Variants in URB1 observed in about 807,000 individuals in gnomAD.
URB1 encodes nucleolar pre-ribosomal-associated protein 1.
Under a neutral mutation model 242.3 loss-of-function variants are expected in URB1, and 197 were observed. The observed-to-expected ratio is 0.81, with a 90% CI of 0.72 to 0.91. The LOEUF is 0.91. Among genes scored for constraint, URB1 ranks in the 40% least tolerant of loss-of-function variants. The pLI is 0.00. For synonymous variants in URB1, 1,153 were observed against 1,201.8 expected (o/e 0.96, Z 0.84); for missense variants, 2,721 against 2,860.5 (o/e 0.95, Z 1.11).
Position 32,314,924 on chromosome 21 carries a change from A to T in URB1, c.6810T>A (p.Asp2270Glu), listed in dbSNP as rs1373965916. The T allele has an allele frequency of 6.4e-7, 1 of 1,550,574 alleles. No homozygotes were observed. The highest frequency in any genetic ancestry group is 8.7e-7 in the Non-Finnish European group (1 of 1,146,462). ...AGGTGCTGGCCGGCAGGAGTCAAGC[A>T]TCTGAGGCTGCGCTGGCGGCGTCCT... Reference protein sequence around the residue: ...LCKDAASAASDA With the variant: ...LCKDAASAASEA Residue 2270 changes from aspartate (D) to glutamate (E), a missense_variant, in exon 39 of 39, where the codon GAT (aspartate) becomes GAA (glutamate). By Grantham distance (45) the Asp-to-Glu change is conservative (BLOSUM62 2). Coordinates refer to ENST00000382751, the MANE Select transcript of URB1 (RefSeq NM_014825.3).
chr21:32,344,155 T>C (rs1438121139), intron 24 of URB1, among the ~76,000 whole-genome samples: 3 of 152,308 alleles, frequency 2.0e-5, no homozygotes, highest in East Asian at 1.9e-4. Context: ...TGGACACAGA[T>C]GCAAAAATTC....
intron 25 of URB1, among the ~76,000 whole-genome samples, chr21:32,339,217 T>C (rs753429158): frequency 6.6e-6 from 1 of 152,182 alleles, no homozygotes; most frequent in Non-Finnish European, 1.5e-5. Context: ...TGGGCTTGAA[T>C]TCCTGACCTC....
At position 32,385,674 on chromosome 21, in the gene URB1, C is replaced by T. The variant is rs529158098; in HGVS notation, c.153G>A (p.Ala51=). 114 of 1,551,248 alleles carry T rather than the reference C, an allele frequency of 7.3e-5. No individual in the cohort carries two copies. In the East Asian group the frequency reaches 7.6e-4, roughly 10 times the overall value. Reference sequence around the variant, plus strand: ...GTAGCTTCTTGGCAGCAGACACAAACGCTTCCAAGCCTGAAAAAAAAGTTA... The same window carrying T: ...GTAGCTTCTTGGCAGCAGACACAAATGCTTCCAAGCCTGAAAAAAAAGTTA... ...DPQGPGPGLE[A]FVSAAKKLPR... The change falls in exon 2 of 39, where the codon GCG becomes GCA. Residue 51 remains alanine, a synonymous_variant. Coordinates refer to ENST00000382751, the MANE Select transcript of URB1 (RefSeq NM_014825.3).
chr21:32,318,123 A>T (rs974518222), intron 36 of URB1, among the ~76,000 whole-genome samples: 2 of 152,150 alleles, frequency 1.3e-5, no homozygotes, highest in Non-Finnish European at 2.9e-5. Flanking sequence ...CACAAAGGGG[A>T]CCTGGAGTCT....
chr21:32,311,635 T>C lies in URB1; in HGVS notation c.*3283A>G, dbSNP rs2032574593. The C allele has an allele frequency of 6.2e-7, 1 of 1,601,194 alleles. No individual in the cohort carries two copies. Among genetic ancestry groups the C allele is most frequent in the Non-Finnish European group, 8.5e-7 (1 of 1,173,936 alleles). Reference sequence around the variant, plus strand: ...AACCCCCCAGCCCCACAGTATGGACTGTTCTGCAGCAACTATGATGCCTGC... The same window carrying C: ...AACCCCCCAGCCCCACAGTATGGACCGTTCTGCAGCAACTATGATGCCTGC... On this transcript the variant is annotated 3_prime_UTR_variant, in exon 39 of 39. Transcript: ENST00000382751.
Position 32,345,496 on chromosome 21 carries a change from G to A in URB1, c.3948C>T (p.Pro1316=). Residue 1316 remains proline, a synonymous_variant, in exon 23 of 39, where the codon CCC becomes CCT. Coordinates refer to ENST00000382751, the MANE Select transcript of URB1 (RefSeq NM_014825.3). ...LQSRLLSTDS[P]PASGLYQEIL... is the part of the protein sequence containing the mutation. The stretch of plus-strand genomic sequence containing the variant: ...TCTCCTGGTACAGCCCAGATGCTGG[G>A]GGACTGTCAGTGCTAAGAAGCCTGC... 1 of 1,551,552 alleles carries A rather than the reference G, an allele frequency of 6.4e-7. No individual in the cohort carries two copies. Among genetic ancestry groups the A allele is most frequent in the Non-Finnish European group, 8.7e-7 (1 of 1,146,902 alleles).
Position 32,354,915 on chromosome 21 carries a change from G to A in URB1, c.2189C>T (p.Ala730Val), listed in dbSNP as rs367985687. The A allele has an allele frequency of 4.5e-6, 7 of 1,552,338 alleles. No homozygotes were observed. The highest frequency in any genetic ancestry group is 3.9e-5 in the Admixed American group (2 of 51,004). The change falls in exon 17 of 39, where the codon GCC becomes GTC. Residue 730 changes from alanine to valine, a missense_variant. By Grantham distance (64) the Ala-to-Val change is moderately conservative. Coordinates refer to ENST00000382751, the MANE Select transcript of URB1 (RefSeq NM_014825.3). ...DFVQEASMLQ[A>V]TMTKQEADDM... is the part of the protein sequence containing the mutation. ...ATCGGCTTCTTGCTTCGTCATAGTG[G>A]CCTGCAGCATGCTTGCTTCTTGGAC...
Position 32,314,757 on chromosome 21 carries a change from T to A in URB1, c.*161A>T. On this transcript the variant is annotated 3_prime_UTR_variant, in exon 39 of 39. Transcript: ENST00000382751. ...GTTTATCATTTACTGGGCAGTTCAA[T>A]AAAGTCCTCTCAACTTTTCTTGTCA... 7.0e-7 allele frequency: 1 copy of A among 1,436,144 alleles called. No individual in the cohort carries two copies. Among genetic ancestry groups the A allele is most frequent in the Non-Finnish European group, 9.6e-7 (1 of 1,040,496 alleles). 89.0% of individuals were successfully genotyped at this position (1,436,144 alleles called of 1,614,324 possible).
chr21:32,358,783 A>G (rs2033252504), intron 14 of URB1, among the ~76,000 whole-genome samples: 1 of 152,182 alleles, frequency 6.6e-6, no homozygotes, highest in African/African-American at 2.4e-5. Flanking sequence ...ACTGGTGGCA[A>G]TGAACTCACA....
rs138839810 is a variant in URB1, at chr21:32,380,952, T to C, written c.568-2411A>G. Among the ~76,000 whole-genome samples, 1,340 of 152,318 alleles carry C rather than the reference T, an allele frequency of 8.8e-3. 14 individuals are homozygous for C. The highest frequency in any genetic ancestry group is 0.044 in the Middle Eastern group (13 of 294). On this transcript the variant is annotated intron_variant, in intron 4 of 38. Transcript: ENST00000382751. ...CTGTGGGTCCCTCCAGCAATGAATT[T>C]ATAAATGAAAAGGGATTTAGTTATC...
Position 32,354,924 on chromosome 21 carries a change from A to G in URB1, c.2180T>C (p.Met727Thr), listed in dbSNP as rs2033201992. The change falls in exon 17 of 39, where the codon ATG (methionine) becomes ACG (threonine). Residue 727 changes from methionine (M) to threonine (T), a missense_variant. Physicochemically the swap from Met to Thr is moderately conservative, Grantham distance 81. Coordinates refer to ENST00000382751, the MANE Select transcript of URB1 (RefSeq NM_014825.3). ...TTGCTTCGTCATAGTGGCCTGCAGCATGCTTGCTTCTTGGACAAAGTCAGA... is the reference window on the plus strand; with the variant it reads ...TTGCTTCGTCATAGTGGCCTGCAGCGTGCTTGCTTCTTGGACAAAGTCAGA... The part of the protein sequence containing the change: ...KASDFVQEAS[M>T]LQATMTKQEA... The G allele has an allele frequency of 6.4e-7, 1 of 1,552,398 alleles. No individual in the cohort carries two copies. Among genetic ancestry groups the G allele is most frequent in the South Asian group, 1.2e-5 (1 of 84,062 alleles).
intron 1 of URB1, among the ~76,000 whole-genome samples, chr21:32,390,448 C>A (rs1313686967): frequency 6.7e-6 from 1 of 149,478 alleles, no homozygotes; most frequent in African/African-American, 2.5e-5. Flanking sequence ...TGTTCATATC[C>A]TTTGCCCACT....
intron 24 of URB1, among the ~76,000 whole-genome samples, chr21:32,342,906 A>G (rs536830300): frequency 6.6e-6 from 1 of 152,306 alleles, no homozygotes; most frequent in South Asian, 2.1e-4. Context: ...CAGCTCCAGT[A>G]TCATACAACT....
In URB1 at chr21:32,347,323, A is replaced by G; in HGVS notation, c.3501T>C (p.Asp1167=). ...ACAGGAGCTCACCACTCTGCAGCTG[A>G]TCCTGGGGGCTGCAGGTCAGCAGCT... ...LVQLLTCSPQ[D]QLQSGELLWS... is the part of the protein sequence containing the mutation. Residue 1167 remains aspartate, a synonymous_variant, in exon 22 of 39, where the codon GAT becomes GAC. Transcript: ENST00000382751. 6.4e-7 allele frequency: 1 copy of G among 1,551,250 alleles called. No homozygotes were observed. The highest frequency in any genetic ancestry group is 8.7e-7 in the Non-Finnish European group (1 of 1,146,982).
At position 32,347,411 on chromosome 21, in the gene URB1, TG is replaced by T. The variant is rs1177767239; in HGVS notation, c.3412del (p.Gln1138SerfsTer13). ...LSLPETHLVTQQPTKSPGKER... is the reference protein window; with the variant it reads ...LSLPETHLVTXQPTKSPGKER... Reference sequence around the variant, plus strand: ...CTTCCCGGGGGATTTCGTGGGTTGCTGGGTCACCAGGTGTGTCTCAGGCAGG... The same window carrying T: ...CTTCCCGGGGGATTTCGTGGGTTGCTGGTCACCAGGTGTGTCTCAGGCAGG... On this transcript the variant is annotated frameshift_variant, in exon 22 of 39. Transcript: ENST00000382751. LOFTEE classifies it high-confidence loss of function. 6.4e-7 allele frequency: 1 copy of T among 1,551,546 alleles called. No individual in the cohort carries two copies. The highest frequency in any genetic ancestry group is 8.7e-7 in the Non-Finnish European group (1 of 1,146,958).
chr21:32,316,695 G>C lies in URB1; in HGVS notation c.6405C>G (p.Val2135=). ...CACTGTCCTTAAGGAGGTCAGCCAC[G>C]ACCACAGGGTGTGGCAAAATATGGC... The part of the protein sequence containing the change: ...LKSHILPHPV[V]VADLLKDSAV... Residue 2135 remains valine (V), a synonymous_variant, in exon 38 of 39, where the codon GTC becomes GTG. Coordinates refer to ENST00000382751, the MANE Select transcript of URB1 (RefSeq NM_014825.3). 6.4e-7 allele frequency: 1 copy of C among 1,551,376 alleles called. No individual in the cohort carries two copies. The highest frequency in any genetic ancestry group is 1.2e-5 in the South Asian group (1 of 84,030).
chr21:32,334,050 G>C (rs1292110632), intron 29 of URB1, 113 bp downstream of exon 29: 39 of 1,307,774 alleles, frequency 3.0e-5, no homozygotes, highest in Non-Finnish European at 3.9e-5. Context: ...TATATGATAA[G>C]ATTCTTACTT....
At chr21:32,315,442 T>TA (rs1291701853) in intron 38 of URB1, among the ~76,000 whole-genome samples, 5 of 151,516 alleles carry the variant, frequency 3.3e-5, no homozygotes, top group Admixed American at 6.6e-5. Flanking sequence ...GCCTCCAGAG[T>TA]AGCTGGGACT....
rs146950800 is a variant in URB1 at position 32,318,541 on chromosome 21, C to G, written c.5793-624G>C. Among the ~76,000 whole-genome samples, 501 of 152,318 alleles carry G rather than the reference C, an allele frequency of 3.3e-3. 9 individuals are homozygous for G. The highest frequency in any genetic ancestry group is 0.03 in the Admixed American group (461 of 15,302). On this transcript the variant is annotated intron_variant, in intron 36 of 38. Transcript: ENST00000382751. ...CAATTTAGTTTTGAACAATACAAAACAAAAGGCCTTGTTCTTTTTATCAGG... is the reference window on the plus strand; with the variant it reads ...CAATTTAGTTTTGAACAATACAAAAGAAAAGGCCTTGTTCTTTTTATCAGG...
Sources: allele counts gnomAD v4.1 joint callset (sites outside exome capture counted in the v4.1 genomes callset), GRCh38; gene constraint gnomAD v4.1.1; transcripts MANE v1.5; gene names NCBI Gene and HGNC (gene_info 2026-07-23, HGNC 2026-07-21).